The following ZNF280D variants were observed in gnomAD, a reference collection of about 807,000 sequenced individuals.
ZNF280D encodes the protein suppressor of hairy wing homolog 4.
Under a neutral mutation model 94.7 loss-of-function variants are expected in ZNF280D, and 39 were observed. The ratio of observed to expected loss-of-function variants is 0.41; its 90% CI spans 0.32 to 0.54. The LOEUF (loss-of-function observed/expected upper bound fraction) is 0.54, where lower values mean the gene tolerates loss of function less well. Among genes scored for constraint, ZNF280D ranks in the 20% least tolerant of loss-of-function variants. ZNF280D has a pLI of 0.22. For missense variants in ZNF280D, 1,090 were observed against 1,149.3 expected, an observed-to-expected ratio of 0.95 and a Z score of 0.75; for synonymous variants, 398 against 377.6, an observed-to-expected ratio of 1.05 and a Z score of -0.63.
intron 6 of ZNF280D, among the ~76,000 whole-genome samples, chr15:56,696,398 T>C (rs950762807): frequency 6.6e-6 from 1 of 152,216 alleles, no homozygotes; most frequent in Admixed American, 6.5e-5. Flanking sequence ...CTAATATTAT[T>C]CCTCATTTTA....
chr15:56,685,996 A>C (rs190177652), intron 9 of ZNF280D, among the ~76,000 whole-genome samples: 1 of 152,360 alleles, frequency 6.6e-6, no homozygotes, highest in African/African-American at 2.4e-5. Flanking sequence ...ATAAAAGACT[A>C]AACAAAGAAT....
chr15:56,666,928 A>C lies in ZNF280D; in HGVS notation c.1604T>G (p.Ile535Ser). Residue 535 changes from isoleucine to serine, a missense_variant, in exon 15 of 22, where the codon ATT becomes AGT. This residue lies in a region of ZNF280D where 577 missense variants were observed against 568.8 expected (regional missense o/e 1.01). Transcript: ENST00000267807. Reference sequence around the variant, plus strand: ...CTGAAGGGTAGAAGCACTTGCACTAATGGAAGGTGTAGGTGAAGCTCCTGA... The same window carrying C: ...CTGAAGGGTAGAAGCACTTGCACTACTGGAAGGTGTAGGTGAAGCTCCTGA... ...LQSGASPTPS[I>S]SASASTLQLS... 1 of 1,613,174 alleles carries C rather than the reference A, an allele frequency of 6.2e-7. No individual in the cohort carries two copies.
At chr15:56,729,866 T>G (rs2058802133) in intron 1 of ZNF280D, 1 of 152,238 alleles carries the variant, frequency 6.6e-6, no homozygotes, top group African/African-American at 2.4e-5. Context: ...ATGAGAATGT[T>G]TATGCAAAGC....
chr15:56,666,583 A>G, intron 15 of ZNF280D, 48 bp from the exon 16 acceptor site: 3 of 1,531,202 alleles, frequency 2.0e-6, no homozygotes, highest in Non-Finnish European at 2.6e-6. Context: ...TAAAACAAAA[A>G]TAATAAGGAA....
intron 10 of ZNF280D, among the ~76,000 whole-genome samples, chr15:56,679,785 T>C (rs1252074837): frequency 6.6e-6 from 1 of 152,218 alleles, no homozygotes; most frequent in African/African-American, 2.4e-5. Context: ...AAGATTATAA[T>C]ATATACCTCT....
chr15:56,722,345 A>G (rs2058412490), intron 1 of ZNF280D, among the ~76,000 whole-genome samples: 1 of 152,364 alleles, frequency 6.6e-6, no homozygotes, highest in East Asian at 1.9e-4. Context: ...CTTGCTCAAC[A>G]AAGTTGCCAC....
chr15:56,646,080 T>C (rs1281325243), intron 19 of ZNF280D, among the ~76,000 whole-genome samples: 1 of 152,078 alleles, frequency 6.6e-6, no homozygotes, highest in African/African-American at 2.4e-5. Flanking sequence ...ACTAAAAAAG[T>C]TGAAAAGAGG....
In ZNF280D at chr15:56,666,467, G is replaced by A; in HGVS notation, c.1922C>T (p.Pro641Leu). 6.2e-7 allele frequency: 1 copy of A among 1,602,198 alleles called. No individual in the cohort carries two copies. The highest frequency in any genetic ancestry group is 8.5e-7 in the Non-Finnish European group (1 of 1,176,774). Residue 641 changes from proline to leucine, a missense_variant, in exon 16 of 22, where the codon CCT becomes CTT. Physicochemically the swap from Pro to Leu is moderately conservative, Grantham distance 98. Coordinates refer to ENST00000267807, the MANE Select transcript of ZNF280D (RefSeq NM_017661.4). ...SEIKDFANHF[P>L]TYVHCSFCRY... ...GCAAAAACTACAGTGGACGTACGTAGGAAAGTGGTTTGCAAAATCTTTTAT... is the reference window on the plus strand; with the variant it reads ...GCAAAAACTACAGTGGACGTACGTAAGAAAGTGGTTTGCAAAATCTTTTAT...
chr15:56,631,968 T>C lies in ZNF280D; in HGVS notation c.2470A>G (p.Ile824Val), dbSNP rs765841908. Reference sequence around the variant, plus strand: ...CCAATATTTGAATCACAACTGACGATGTTTTTTGAGCCAGTTTCCTGGTCT... The same window carrying C: ...CCAATATTTGAATCACAACTGACGACGTTTTTTGAGCCAGTTTCCTGGTCT... ...LADQETGSKNIVSCDSNIGAD... is the reference protein window; with the variant it reads ...LADQETGSKNVVSCDSNIGAD... The change falls in exon 22 of 22, where the codon ATC becomes GTC. Residue 824 changes from isoleucine (I) to valine (V), a missense_variant. By Grantham distance (29) the Ile-to-Val change is conservative. This residue lies in a region of ZNF280D where 577 missense variants were observed against 568.8 expected (regional missense o/e 1.01). Coordinates refer to ENST00000267807, the MANE Select transcript of ZNF280D (RefSeq NM_017661.4). 4.3e-6 allele frequency: 7 copies of C among 1,613,966 alleles called. No homozygotes were observed. Among genetic ancestry groups the C allele is most frequent in the Non-Finnish European group, 5.9e-6 (7 of 1,180,012 alleles).
At chr15:56,713,437 A>AT (rs1283522473) in intron 1 of ZNF280D, among the ~76,000 whole-genome samples, 1 of 152,080 alleles carries the variant, frequency 6.6e-6, no homozygotes, top group African/African-American at 2.4e-5. Flanking sequence ...TTGATCTTTC[A>AT]TTTTTTTACT....
At chr15:56,663,768 G>A (rs1225533542) in intron 16 of ZNF280D, among the ~76,000 whole-genome samples, 1 of 152,074 alleles carries the variant, frequency 6.6e-6, no homozygotes, top group African/African-American at 2.4e-5. Context: ...GCTGGGCATG[G>A]TGGCACACAC....
intron 20 of ZNF280D, among the ~76,000 whole-genome samples, chr15:56,637,262 T>A (rs561873742): frequency 2.6e-5 from 4 of 151,412 alleles, no homozygotes; most frequent in African/African-American, 7.3e-5. Context: ...AACCTCGAAC[T>A]CCTAAGCTCA....
chr15:56,654,517 C>G lies in ZNF280D; in HGVS notation c.2058-14G>C. ...AGAGTAATGCCCCTAAAAAAAAAAG[C>G]ATTAAAAAAAGATTTTTATCTTTTA... On this transcript the variant is annotated splice_polypyrimidine_tract_variant and intron_variant, in intron 17 of 21. Coordinates refer to ENST00000267807, the MANE Select transcript of ZNF280D (RefSeq NM_017661.4). 6.6e-7 allele frequency: 1 copy of G among 1,522,916 alleles called. No homozygotes were observed. Among genetic ancestry groups the G allele is most frequent in the East Asian group, 2.3e-5 (1 of 43,936 alleles). The allele number at this position is 1,522,916 out of a possible 1,614,324, so 94.3% of individuals were successfully genotyped here. A position where few individuals can be genotyped will look rare whatever the true frequency, so the allele number is the denominator to read the frequency against.
rs2057275348 is a variant in ZNF280D, at chr15:56,704,405, T to C, written c.29-138A>G. 4.9e-6 allele frequency: 4 copies of C among 819,662 alleles called. No individual in the cohort carries two copies. The Admixed American group carries it at 9.0e-5, about 18-fold the overall frequency. 50.8% of individuals were successfully genotyped at this position (819,662 alleles called of 1,614,324 possible). The stretch of plus-strand genomic sequence containing the variant: ...TCTGAATTGATATTTGTAGTCAGTA[T>C]GTGGTAACAACAGTGAGAAATACAG... On this transcript the variant is annotated intron_variant, in intron 3 of 21. Coordinates refer to ENST00000267807, the MANE Select transcript of ZNF280D (RefSeq NM_017661.4).
intron 13 of ZNF280D, 111 bp from the exon 14 acceptor site, chr15:56,669,068 G>A: frequency 1.0e-6 from 1 of 987,182 alleles, no homozygotes; most frequent in East Asian, 2.7e-5. Context: ...GTAAAAACTT[G>A]CGGTTTAACA....
intron 11 of ZNF280D, 70 bp downstream of exon 11, chr15:56,678,594 T>G (rs1160617082): frequency 1.2e-5 from 16 of 1,328,754 alleles, no homozygotes; most frequent in Middle Eastern, 2.3e-4. Flanking sequence ...AACAGGCTTC[T>G]TAAGGTTTTC....
chr15:56,666,344 C>G (rs1181541771), intron 16 of ZNF280D, 51 bp downstream of exon 16: 2 of 1,578,320 alleles, frequency 1.3e-6, no homozygotes, highest in Non-Finnish European at 1.7e-6. Flanking sequence ...GAAACAGAAA[C>G]TTGCTGAACT....
Position 56,639,228 on chromosome 15 carries a change from T to C in ZNF280D, c.2259+3724A>G, listed in dbSNP as rs1346965626. On this transcript the variant is annotated intron_variant, in intron 20 of 21. Coordinates refer to ENST00000267807, the MANE Select transcript of ZNF280D (RefSeq NM_017661.4). ...AAGTTTAGAAAATTATTTAAAAAGA[T>C]TGAAACAAAAAAACAAAAAGATGAA... Among the ~76,000 whole-genome samples, 7 of 144,668 alleles carry C rather than the reference T, an allele frequency of 4.8e-5. No homozygotes were observed. The East Asian group carries it at 1.4e-3, about 29-fold the overall frequency. 94.9% of individuals were successfully genotyped at this position (144,668 alleles called of 152,430 possible). A position where few individuals can be genotyped will look rare whatever the true frequency, so the allele number is the denominator to read the frequency against.
chr15:56,669,585 T>C (rs1396735574), intron 13 of ZNF280D, among the ~76,000 whole-genome samples: 1 of 150,902 alleles, frequency 6.6e-6, no homozygotes, highest in Non-Finnish European at 1.5e-5. Flanking sequence ...TTAACTTTAA[T>C]TAATTTAAAT....
Sources: allele counts gnomAD v4.1 joint callset (sites outside exome capture counted in the v4.1 genomes callset), GRCh38; gene constraint gnomAD v4.1.1; regional missense constraint gnomAD v4.1.1; transcripts MANE v1.5; gene names NCBI Gene and HGNC (gene_info 2026-07-23, HGNC 2026-07-21).